PPP4R3A: variants seen among roughly 807,000 people sequenced by gnomAD.
PPP4R3A encodes the protein serine/threonine-protein phosphatase 4 regulatory subunit 3A.
PPP4R3A carries 15 observed loss-of-function variants against 91.7 expected under a neutral mutation model. The ratio of observed to expected loss-of-function variants is 0.16; its 90% CI spans 0.11 to 0.25. The LOEUF (loss-of-function observed/expected upper bound fraction) is 0.25. Ranked by LOEUF, PPP4R3A falls within the 10% of genes least tolerant of loss-of-function variation. The probability of loss-of-function intolerance (pLI) is 1.00; values close to 1 mark genes in which losing one functional copy is unlikely to be tolerated. For missense variants in PPP4R3A, 623 were observed against 998.4 expected (o/e 0.62, Z 5.07); for synonymous variants, 377 against 348.7 (o/e 1.08, Z -0.91).
chr14:91,492,550 A>G (rs1890289332), intron 1 of PPP4R3A, among the ~76,000 whole-genome samples: 1 of 152,256 alleles, frequency 6.6e-6, no homozygotes, highest in Non-Finnish European at 1.5e-5. Flanking sequence ...TCTTATGCAC[A>G]TGAACAGCTT....
At chr14:91,466,577 G>T (rs1024990349) in intron 10 of PPP4R3A, among the ~76,000 whole-genome samples, 3 of 152,022 alleles carry the variant, frequency 2.0e-5, no homozygotes, top group African/African-American at 7.3e-5. Flanking sequence ...TCTGGGCAGG[G>T]AGTTTCTAAA....
rs192965882 is a variant in PPP4R3A, at chr14:91,496,696, A to C, written c.143-5894T>G. ...ATCCCCTGAAACTCTCTTTTCAGCC[A>C]TATCACAGTTTTGGTCTAGGAAGTC... is the stretch of plus-strand genomic sequence containing the variant. On this transcript the variant is annotated intron_variant, in intron 1 of 14. Coordinates refer to ENST00000554943, the MANE Select transcript of PPP4R3A (RefSeq NM_001366432.2). 2.0e-3 allele frequency among the ~76,000 whole-genome samples: 304 copies of C among 152,326 alleles called. 1 individual carries two copies. The highest frequency in any genetic ancestry group is 3.4e-3 in the Non-Finnish European group (233 of 68,042).
rs57949752 is a variant in PPP4R3A, at chr14:91,472,824, A to ACAACCAACCAACCAACCAACCAAC, written c.1501+185_1501+208dup. ...ATTCTCCAGGTTGCTTTTGATAAAA[A>ACAACCAACCAACCAACCAACCAAC]CAACCAACCAACCAACCAACCAACC... On this transcript the variant is annotated intron_variant, in intron 9 of 14. Coordinates refer to ENST00000554943, the MANE Select transcript of PPP4R3A (RefSeq NM_001366432.2). Among the ~76,000 whole-genome samples the ACAACCAACCAACCAACCAACCAAC allele has an allele frequency of 3.7e-4, 56 of 150,516 alleles. No individual in the cohort carries two copies. In the East Asian group the frequency reaches 3.9e-3, roughly 11 times the overall value.
chr14:91,464,159 A>G (rs1442159995), intron 11 of PPP4R3A, among the ~76,000 whole-genome samples: 1 of 152,148 alleles, frequency 6.6e-6, no homozygotes, highest in Non-Finnish European at 1.5e-5. Context: ...TATCTCTACT[A>G]CAAATACAAA....
chr14:91,490,882 T>C, intron 1 of PPP4R3A, 80 bp from the exon 2 acceptor site: 1 of 583,540 alleles, frequency 1.7e-6, no homozygotes, highest in Non-Finnish European at 2.6e-6. Context: ...ACATATTTCC[T>C]TAAAAAAAAT....
At chr14:91,494,920 C>T (rs1474805177) in intron 1 of PPP4R3A, among the ~76,000 whole-genome samples, 1 of 152,092 alleles carries the variant, frequency 6.6e-6, no homozygotes, top group Non-Finnish European at 1.5e-5. Flanking sequence ...ACTAGAATGT[C>T]TACAATCAAA....
intron 14 of PPP4R3A, among the ~76,000 whole-genome samples, chr14:91,460,748 G>C (rs535159491): frequency 6.9e-5 from 10 of 145,636 alleles, no homozygotes; most frequent in African/African-American, 2.5e-4. Flanking sequence ...AGCCTCCAGA[G>C]TAGCTGGGAC....
chr14:91,509,379 C>T, intron 1 of PPP4R3A, 127 bp downstream of exon 1: 2 of 1,370,570 alleles, frequency 1.5e-6, no homozygotes, highest in Non-Finnish European at 2.0e-6. Context: ...CGTCCTCCCC[C>T]GAGGTGGCCG....
chr14:91,498,482 A>C (rs1384418941), intron 1 of PPP4R3A, among the ~76,000 whole-genome samples: 1 of 152,218 alleles, frequency 6.6e-6, no homozygotes, highest in Non-Finnish European at 1.5e-5. Context: ...TAATATGGTA[A>C]ATATTGATAA....
At chr14:91,465,127 G>T in intron 11 of PPP4R3A, 123 bp downstream of exon 11, 1 of 720,998 alleles carries the variant, frequency 1.4e-6, no homozygotes, top group South Asian at 3.2e-5. Context: ...CAGGCTTTTA[G>T]TACTTTTTTT....
chr14:91,508,711 G>C (rs1891566596), intron 1 of PPP4R3A, among the ~76,000 whole-genome samples: 1 of 152,304 alleles, frequency 6.6e-6, no homozygotes, highest in South Asian at 2.1e-4. Flanking sequence ...TGAACCTTGA[G>C]GGCTGTTTCA....
intron 1 of PPP4R3A, among the ~76,000 whole-genome samples, chr14:91,501,348 A>G (rs1448025943): frequency 6.6e-6 from 1 of 152,178 alleles, no homozygotes; most frequent in Non-Finnish European, 1.5e-5. Flanking sequence ...AGCTCAACCC[A>G]TCAGCTTCTA....
In PPP4R3A at chr14:91,462,032, AT is replaced by A. The variant is rs375921327; in HGVS notation, c.2164+16del. ...AGAAAGCCTTAATTTTCTCTTGCCC[AT>A]TTTTTTCCAACATACATTTCTTCCT... On this transcript the variant is annotated intron_variant, in intron 13 of 14. Coordinates refer to ENST00000554943, the MANE Select transcript of PPP4R3A (RefSeq NM_001366432.2). 2.7e-5 allele frequency: 40 copies of A among 1,486,220 alleles called. No homozygotes were observed. Among genetic ancestry groups the A allele is most frequent in the Admixed American group, 1.0e-4 (4 of 38,664 alleles). The allele number at this position is 1,486,220 out of a possible 1,614,324, so 92.1% of individuals were successfully genotyped here.
At position 91,490,744 on chromosome 14, in the gene PPP4R3A, T is replaced by A. The variant is rs771873469; in HGVS notation, c.198+3A>T. The A allele has an allele frequency of 6.2e-7, 1 of 1,607,478 alleles. No homozygotes were observed. The highest frequency in any genetic ancestry group is 1.3e-5 in the African/African-American group (1 of 74,684). ...AAGATAAAACACATCTTCAAAATTT[T>A]ACCTGTTGTTTCTGGTATGCAGTGT... On this transcript the variant is annotated splice_donor_region_variant and intron_variant, in intron 2 of 14. Transcript: ENST00000554943.
At chr14:91,503,451 A>G (rs1329931508) in intron 1 of PPP4R3A, among the ~76,000 whole-genome samples, 1 of 152,202 alleles carries the variant, frequency 6.6e-6, no homozygotes, top group Non-Finnish European at 1.5e-5. Context: ...CACATGGCTA[A>G]TTTAGAAATT....
At chr14:91,489,624 T>C (rs557662623) in intron 2 of PPP4R3A, among the ~76,000 whole-genome samples, 5 of 152,366 alleles carry the variant, frequency 3.3e-5, no homozygotes, top group Admixed American at 3.3e-4. Context: ...GTTTCAATCT[T>C]TCCTTTTTCT....
chr14:91,474,138 A>C (rs1410775696), intron 7 of PPP4R3A, among the ~76,000 whole-genome samples: 2 of 152,210 alleles, frequency 1.3e-5, no homozygotes, highest in Non-Finnish European at 2.9e-5. Flanking sequence ...TGTAAAAGTG[A>C]TATAAAATTT....
chr14:91,474,375 T>G (rs1447530512), intron 7 of PPP4R3A, among the ~76,000 whole-genome samples: 2 of 152,120 alleles, frequency 1.3e-5, no homozygotes, highest in Non-Finnish European at 2.9e-5. Flanking sequence ...CTTGCCTATG[T>G]GTATGCAAAG....
At chr14:91,505,169 G>A (rs977074946) in intron 1 of PPP4R3A, among the ~76,000 whole-genome samples, 5 of 151,914 alleles carry the variant, frequency 3.3e-5, no homozygotes, top group Admixed American at 6.6e-5. Context: ...AAAAAGAAAC[G>A]CGGCCGGGTG....
Sources: allele counts gnomAD v4.1 joint callset (sites outside exome capture counted in the v4.1 genomes callset), GRCh38; gene constraint gnomAD v4.1.1; transcripts MANE v1.5; gene names NCBI Gene and HGNC (gene_info 2026-07-23, HGNC 2026-07-21).